Variants in TEX14 observed in about 807,000 individuals in gnomAD.
TEX14 encodes the protein testis expressed 14, intercellular bridge forming factor, also known as inactive serine/threonine-protein kinase TEX14.
In TEX14, 168 loss-of-function variants were observed where a neutral mutation model predicts 178.6. That is an observed-to-expected ratio of 0.94 (90% CI 0.83 to 1.07). The LOEUF (loss-of-function observed/expected upper bound fraction) is 1.07, where lower values mean the gene tolerates loss of function less well. Among genes scored for constraint, TEX14 ranks in the 50% least tolerant of loss-of-function variants. The probability of loss-of-function intolerance (pLI) is 0.00; values close to 1 mark genes in which losing one functional copy is unlikely to be tolerated. For missense variants in TEX14, 1,730 were observed against 1,753.6 expected (o/e 0.99, Z 0.24); for synonymous variants, 626 against 634.1 (o/e 0.99, Z 0.19).
At position 58,602,425 on chromosome 17, in the gene TEX14, C is replaced by T. The variant is rs368880555; in HGVS notation, c.1502G>A (p.Arg501Gln). The T allele has an allele frequency of 1.3e-5, 21 of 1,613,706 alleles. No homozygotes were observed. The highest frequency in any genetic ancestry group is 5.3e-5 in the African/African-American group (4 of 74,972). ...CTTTAAGTCATTCTTCAGAATATAC[C>T]GGATATCTTGAAGGTTCATAGTTCG... Reference protein sequence around the residue: ...KDRTMNLQDIRYILKNDLKDF... With the variant: ...KDRTMNLQDIQYILKNDLKDF... The change falls in exon 12 of 32, where the codon CGG becomes CAG. Residue 501 changes from arginine (R) to glutamine (Q), a missense_variant. By Grantham distance (43) the Arg-to-Gln change is conservative. Coordinates refer to ENST00000349033, the MANE Select transcript of TEX14 (RefSeq NM_031272.5).
chr17:58,633,968 GAAAA>G (rs34378655), intron 2 of TEX14, among the ~76,000 whole-genome samples: 1 of 112,544 alleles, frequency 8.9e-6, no homozygotes. Context: ...CTCTGTCTCC[GAAAA>G]AAAAAAAAAA....
At chr17:58,621,135 G>A (rs2045988063) in intron 5 of TEX14, among the ~76,000 whole-genome samples, 1 of 152,188 alleles carries the variant, frequency 6.6e-6, no homozygotes, top group South Asian at 2.1e-4. Flanking sequence ...CCCTGAGCAT[G>A]GAGAAAAGCA....
chr17:58,602,702 AT>A (rs11451118), intron 11 of TEX14, 112 bp from the exon 12 acceptor site: 148 of 735,676 alleles, frequency 2.0e-4, no homozygotes, highest in South Asian at 3.8e-4. Context: ...TAACTTCTTT[AT>A]TTTTTTTTCT....
rs1315852899 is a variant in TEX14, at chr17:58,620,061, T to C, written c.554+1589A>G. On this transcript the variant is annotated intron_variant, in intron 5 of 31. Transcript: ENST00000349033. Reference sequence around the variant, plus strand: ...AATAGGATAGACACAGCCCCTGAGCTCTTGGAATTCACAATTTAATTGGAA... The same window carrying C: ...AATAGGATAGACACAGCCCCTGAGCCCTTGGAATTCACAATTTAATTGGAA... 3.9e-5 allele frequency among the ~76,000 whole-genome samples: 6 copies of C among 152,072 alleles called. 1 individual carries two copies. The highest frequency in any genetic ancestry group is 1.4e-4 in the African/African-American group (6 of 41,418).
Position 58,577,440 on chromosome 17 carries a change from T to C in TEX14, c.3255A>G (p.Gln1085=). ...QPQVSGEEKF[Q]MRKILGKNAE... ...CATTCTTTCCAAGAATTTTTCTCAT[T>C]TGGAACTTTTCCTCACCTGAAAGAA... The change falls in exon 21 of 32, where the codon CAA becomes CAG. Residue 1085 remains glutamine, a synonymous_variant. Coordinates refer to ENST00000349033, the MANE Select transcript of TEX14 (RefSeq NM_031272.5). The C allele has an allele frequency of 6.7e-7, 1 of 1,481,904 alleles. No individual in the cohort carries two copies. The highest frequency in any genetic ancestry group is 2.1e-5 in the Admixed American group (1 of 47,672). The allele number at this position is 1,481,904 out of a possible 1,614,324, so 91.8% of individuals were successfully genotyped here. A position where few individuals can be genotyped will look rare whatever the true frequency, so the allele number is the denominator to read the frequency against.
intron 1 of TEX14, among the ~76,000 whole-genome samples, chr17:58,679,913 C>T (rs2047472626): frequency 6.6e-6 from 1 of 152,148 alleles, no homozygotes; most frequent in Admixed American, 6.6e-5. Flanking sequence ...TATCTACATA[C>T]TCCACACCCC....
intron 24 of TEX14, 91 bp downstream of exon 24, chr17:58,571,830 C>G: frequency 8.7e-7 from 1 of 1,144,964 alleles, no homozygotes; most frequent in Non-Finnish European, 1.3e-6. Context: ...TTCTTGCTTT[C>G]TTAATGAATT....
chr17:58,572,412 C>T (rs1713713729), intron 23 of TEX14, among the ~76,000 whole-genome samples: 1 of 152,140 alleles, frequency 6.6e-6, no homozygotes, highest in African/African-American at 2.4e-5. Context: ...GTGGGTGGAT[C>T]ACGAGGTCAG....
At chr17:58,610,304 G>A (rs916197306) in intron 10 of TEX14, among the ~76,000 whole-genome samples, 2 of 152,192 alleles carry the variant, frequency 1.3e-5, no homozygotes, top group Admixed American at 6.5e-5. Context: ...TCTCCTTCCA[G>A]GATGCACAGG....
chr17:58,631,193 G>A, intron 2 of TEX14: 2 of 973,840 alleles, frequency 2.1e-6, no homozygotes, highest in Non-Finnish European at 2.4e-6. Context: ...GAGGCGCAGT[G>A]GCTCACGCCT....
chr17:58,653,906 G>A (rs551836091), intron 1 of TEX14, among the ~76,000 whole-genome samples: 98 of 152,344 alleles, frequency 6.4e-4, no homozygotes, highest in African/African-American at 2.2e-3. Flanking sequence ...ACTGGGCCGG[G>A]CATGGTGGCT....
At chr17:58,572,815 G>C (rs2044569643) in intron 23 of TEX14, among the ~76,000 whole-genome samples, 1 of 152,158 alleles carries the variant, frequency 6.6e-6, no homozygotes, top group Non-Finnish European at 1.5e-5. Flanking sequence ...TTTGATGCTG[G>C]TTGCATATGG....
intron 26 of TEX14, among the ~76,000 whole-genome samples, chr17:58,568,458 A>G (rs2044449907): frequency 6.6e-6 from 1 of 152,214 alleles, no homozygotes. Flanking sequence ...CCCCTCAGGA[A>G]ATTATAGGTC....
intron 22 of TEX14, 72 bp downstream of exon 22, chr17:58,574,115 C>G: frequency 8.2e-7 from 1 of 1,222,302 alleles, no homozygotes; most frequent in East Asian, 2.3e-5. Context: ...TCCTTACAAA[C>G]AAGAATATAC....
chr17:58,645,401 C>G (rs1179414409), intron 2 of TEX14, among the ~76,000 whole-genome samples: 1 of 152,008 alleles, frequency 6.6e-6, no homozygotes, highest in Non-Finnish European at 1.5e-5. Flanking sequence ...CTCTGCTGCC[C>G]AGGCTGGAGT....
intron 5 of TEX14, among the ~76,000 whole-genome samples, chr17:58,620,853 T>A (rs1705921036): frequency 6.6e-6 from 1 of 151,820 alleles, no homozygotes; most frequent in African/African-American, 2.4e-5. Flanking sequence ...CTGGCCAGAG[T>A]GGCACGCAGC....
At chr17:58,610,831 A>G (rs1404034317) in intron 10 of TEX14, among the ~76,000 whole-genome samples, 1 of 151,904 alleles carries the variant, frequency 6.6e-6, no homozygotes, top group Non-Finnish European at 1.5e-5. Context: ...GGTTGCAGTG[A>G]GCCGAGATTG....
chr17:58,626,190 C>G (rs930010326), intron 3 of TEX14, among the ~76,000 whole-genome samples: 3 of 152,178 alleles, frequency 2.0e-5, no homozygotes, highest in African/African-American at 7.2e-5. Flanking sequence ...AAACCTAAAC[C>G]CAGTTACTTG....
Position 58,613,516 on chromosome 17 carries a change from A to G in TEX14, c.910T>C (p.Leu304=). ...TCCTGGGAGAGACACACAGCCATCA[A>G]CTGTAGCAAGTAGGGGTGCCGCAGC... ...SKLRHPYLLQ[L]MAVCLSQDLE... is the part of the protein sequence containing the mutation. Residue 304 remains leucine, a synonymous_variant, in exon 9 of 32, where the codon TTG becomes CTG. Coordinates refer to ENST00000349033, the MANE Select transcript of TEX14 (RefSeq NM_031272.5). The G allele has an allele frequency of 6.2e-7, 1 of 1,614,200 alleles. No homozygotes were observed. Among genetic ancestry groups the G allele is most frequent in the East Asian group, 2.2e-5 (1 of 44,886 alleles).
Sources: gnomAD v4.1 joint callset for allele counts (sites outside exome capture counted in the v4.1 genomes callset) on GRCh38, gnomAD v4.1.1 for gene constraint, MANE v1.5 for transcripts, NCBI Gene and HGNC (gene_info 2026-07-23, HGNC 2026-07-21) for gene names.